The following AFAP1L2 variants were observed in gnomAD, a reference collection of about 807,000 sequenced individuals.
AFAP1L2 encodes the protein actin filament associated protein 1 like 2.
A neutral mutation model predicts 99.3 loss-of-function variants in AFAP1L2; 46 were observed. That is an observed-to-expected ratio of 0.46 (90% confidence interval 0.37 to 0.59). The LOEUF (loss-of-function observed/expected upper bound fraction) is 0.59. Among genes scored for constraint, AFAP1L2 ranks in the 20% least tolerant of loss-of-function variants. AFAP1L2 has a pLI of 0.00. For missense variants in AFAP1L2, 959 were observed against 1,034.9 expected (o/e 0.93, Z 1.01); for synonymous variants, 397 against 419.1 (o/e 0.95, Z 0.64).
At chr10:114,387,535 G>A (rs1456368724) in intron 1 of AFAP1L2, among the ~76,000 whole-genome samples, 3 of 152,124 alleles carry the variant, frequency 2.0e-5, no homozygotes, top group Non-Finnish European at 4.4e-5. Flanking sequence ...CTAGCACTAC[G>A]GGGCTCTGAC....
chr10:114,293,258 C>T (rs527793166), downstream of AFAP1L2, among the ~76,000 whole-genome samples: 1 of 152,342 alleles, frequency 6.6e-6, no homozygotes, highest in South Asian at 2.1e-4. Context: ...GGATCACATG[C>T]TCCCTAGCAG....
In AFAP1L2 at chr10:114,327,175, T is replaced by TATATATATATATATATATATATATATATA. The variant is rs1564880771; in HGVS notation, c.316-3915_316-3914insTATATATATATATATATATATATATATAT. On this transcript the variant is annotated intron_variant, in intron 4 of 18. Transcript: ENST00000304129. ...TATATATATATATATATATATATAT[T>TATATATATATATATATATATATATATATA]TTTTTTTTAGGCAGAGTCTCACTGT... is the stretch of plus-strand genomic sequence containing the variant. Among the ~76,000 whole-genome samples the TATATATATATATATATATATATATATATA allele has an allele frequency of 3.9e-3, 215 of 55,474 alleles. 34 individuals are homozygous for TATATATATATATATATATATATATATATA. The highest frequency in any genetic ancestry group is 7.7e-3 in the Non-Finnish European group (145 of 18,908). The allele number at this position is 55,474 out of a possible 152,430, so 36.4% of individuals were successfully genotyped here.
At chr10:114,309,432 G>A (rs757591641) in intron 8 of AFAP1L2, among the ~76,000 whole-genome samples, 1 of 152,174 alleles carries the variant, frequency 6.6e-6, no homozygotes, top group Non-Finnish European at 1.5e-5. Flanking sequence ...TGTGCCTCTT[G>A]TTTTCCTCCC....
At position 114,327,209 on chromosome 10, in the gene AFAP1L2, G is replaced by A. The variant is rs1461608927; in HGVS notation, c.316-3948C>T. 7.6e-5 allele frequency among the ~76,000 whole-genome samples: 9 copies of A among 118,946 alleles called. 1 individual carries two copies. In the Admixed American group the frequency reaches 9.1e-4, roughly 12 times the overall value. 78.0% of individuals were successfully genotyped at this position (118,946 alleles called of 152,430 possible). A position where few individuals can be genotyped will look rare whatever the true frequency, so the allele number is the denominator to read the frequency against. ...AGGCAGAGTCTCACTGTGTTGCCCA[G>A]GCTGGAGTATAGTGGTGTGATCTCA... On this transcript the variant is annotated intron_variant, in intron 4 of 18. Transcript: ENST00000304129.
chr10:114,378,705 G>A (rs568352037), intron 1 of AFAP1L2, among the ~76,000 whole-genome samples: 2 of 152,230 alleles, frequency 1.3e-5, no homozygotes, highest in South Asian at 2.1e-4. Context: ...TGGCCTAGAG[G>A]AGGAGAAGCA....
intron 1 of AFAP1L2, among the ~76,000 whole-genome samples, chr10:114,380,437 T>C (rs1033947924): frequency 1.3e-5 from 2 of 152,242 alleles, no homozygotes; most frequent in African/African-American, 2.4e-5. Flanking sequence ...GGGCAATTTA[T>C]GTAATGCATT....
At chr10:114,386,722 A>G (rs779074672) in intron 1 of AFAP1L2, among the ~76,000 whole-genome samples, 4 of 152,158 alleles carry the variant, frequency 2.6e-5, no homozygotes, top group Non-Finnish European at 5.9e-5. Flanking sequence ...CAGGCTAAGG[A>G]ATCAGCAGCC....
intron 1 of AFAP1L2, among the ~76,000 whole-genome samples, chr10:114,366,841 G>A (rs765802574): frequency 2.6e-5 from 4 of 152,114 alleles, no homozygotes; most frequent in South Asian, 2.1e-4. Context: ...GGTGTCGCGC[G>A]CCTTTAGTCT....
chr10:114,370,960 A>G (rs1020298786), intron 1 of AFAP1L2, among the ~76,000 whole-genome samples: 1 of 152,300 alleles, frequency 6.6e-6, no homozygotes, highest in South Asian at 2.1e-4. Context: ...TTCTCCAACC[A>G]TTGGGACTTA....
At position 114,294,968 on chromosome 10, in the gene AFAP1L2, C is replaced by G. The variant is rs1207675895; in HGVS notation, c.*1074G>C. The G allele has an allele frequency of 1.0e-6, 1 of 983,184 alleles. No individual in the cohort carries two copies. Among genetic ancestry groups the G allele is most frequent in the Non-Finnish European group, 1.2e-6 (1 of 829,238 alleles). 60.9% of individuals were successfully genotyped at this position (983,184 alleles called of 1,614,324 possible). ...AAGTGTTAGAGAACTGATACACAACCCTCCAGAAATGAGGCAGAGATAATA... is the reference window on the plus strand; with the variant it reads ...AAGTGTTAGAGAACTGATACACAACGCTCCAGAAATGAGGCAGAGATAATA... On this transcript the variant is annotated 3_prime_UTR_variant, in exon 19 of 19. Transcript: ENST00000304129.
At chr10:114,355,293 T>G (rs1489403979) in intron 1 of AFAP1L2, among the ~76,000 whole-genome samples, 2 of 150,080 alleles carry the variant, frequency 1.3e-5, no homozygotes, top group Non-Finnish European at 2.9e-5. Context: ...CTCACTCTGT[T>G]GCCCAGGCTG....
At chr10:114,362,498 G>C (rs1254830084) in intron 1 of AFAP1L2, among the ~76,000 whole-genome samples, 1 of 152,126 alleles carries the variant, frequency 6.6e-6, no homozygotes, top group Non-Finnish European at 1.5e-5. Context: ...ATGCCACCCT[G>C]GCCAAGGAAC....
At chr10:114,396,407 C>G (rs1020874488) in intron 1 of AFAP1L2, among the ~76,000 whole-genome samples, 1 of 152,224 alleles carries the variant, frequency 6.6e-6, no homozygotes, top group African/African-American at 2.4e-5. Context: ...ACATCCTGTC[C>G]GCTGGCCTGG....
At position 114,315,603 on chromosome 10, in the gene AFAP1L2, T is replaced by C. The variant is rs1466217942; in HGVS notation, c.569A>G (p.Gln190Arg). 6.2e-7 allele frequency: 1 copy of C among 1,614,082 alleles called. No individual in the cohort carries two copies. The highest frequency in any genetic ancestry group is 1.1e-5 in the South Asian group (1 of 91,080). ...GATGACACAGAGCTGCTTGGCCCAC[T>C]GTCCCAGCCACTTCTTGCGCCACAG... ...AFLWRKKWLGQWAKQLCVIKD... is the reference protein window; with the variant it reads ...AFLWRKKWLGRWAKQLCVIKD... Residue 190 changes from glutamine to arginine, a missense_variant, in exon 6 of 19, where the codon CAG becomes CGG. Transcript: ENST00000304129.
chr10:114,365,145 G>A (rs530348693), intron 1 of AFAP1L2, among the ~76,000 whole-genome samples: 1 of 152,314 alleles, frequency 6.6e-6, no homozygotes, highest in East Asian at 1.9e-4. Flanking sequence ...TAGCAGTCAA[G>A]GTCTGTTTAA....
At position 114,404,170 on chromosome 10, in the gene AFAP1L2, A is replaced by T. The variant is rs1013358979; in HGVS notation, c.16+270T>A. The stretch of plus-strand genomic sequence containing the variant: ...CCGGGCTCACCCTCTCTCCTGCAAC[A>T]GGTGAGAAGCCCCGCCACGCCCCCC... On this transcript the variant is annotated intron_variant, in intron 1 of 18. Coordinates refer to ENST00000304129, the MANE Select transcript of AFAP1L2 (RefSeq NM_001001936.3). Among the ~76,000 whole-genome samples the T allele has an allele frequency of 2.0e-5, 3 of 152,238 alleles. No homozygotes were observed. The South Asian group carries it at 6.2e-4, about 32-fold the overall frequency.
intron 1 of AFAP1L2, among the ~76,000 whole-genome samples, chr10:114,342,144 G>A (rs1271590758): frequency 1.3e-5 from 2 of 152,164 alleles, no homozygotes; most frequent in African/African-American, 2.4e-5. Flanking sequence ...TTGCTTTCAG[G>A]TGTTTTCTAT....
intron 5 of AFAP1L2, among the ~76,000 whole-genome samples, chr10:114,322,579 C>T (rs1050573028): frequency 3.3e-5 from 5 of 152,232 alleles, no homozygotes; most frequent in Non-Finnish European, 7.3e-5. Context: ...TCTAAAGTAA[C>T]TCCCCTGTCC....
intron 1 of AFAP1L2, among the ~76,000 whole-genome samples, chr10:114,341,693 A>G (rs1277060893): frequency 6.6e-6 from 1 of 152,026 alleles, no homozygotes; most frequent in Admixed American, 6.5e-5. Flanking sequence ...AAAGCCCTGC[A>G]GACTGAAGCA....
Sources: gnomAD v4.1 joint callset for allele counts (sites outside exome capture counted in the v4.1 genomes callset) on GRCh38, gnomAD v4.1.1 for gene constraint, MANE v1.5 for transcripts, NCBI Gene and HGNC (gene_info 2026-07-23, HGNC 2026-07-21) for gene names.